SOSTDC1: variants seen among roughly 807,000 people sequenced by gnomAD.
SOSTDC1 encodes sclerostin domain-containing protein 1.
A neutral mutation model predicts 15.1 loss-of-function variants in SOSTDC1; 7 were observed. The ratio of observed to expected loss-of-function variants is 0.46; its 90% CI spans 0.26 to 0.87. The LOEUF is 0.87. Among genes scored for constraint, SOSTDC1 ranks in the 40% least tolerant of loss-of-function variants. SOSTDC1 has a pLI of 0.15. For missense variants in SOSTDC1, 242 were observed against 259.2 expected, an observed-to-expected ratio of 0.93 and a Z score of 0.46; for synonymous variants, 94 against 93.2, an observed-to-expected ratio of 1.01 and a Z score of -0.05.
chr7:16,461,718 T>C lies in SOSTDC1; in HGVS notation c.*830A>G, dbSNP rs528554888. 1 of 152,734 alleles carries C rather than the reference T, an allele frequency of 6.5e-6. No homozygotes were observed. Among genetic ancestry groups the C allele is most frequent in the Non-Finnish European group, 1.5e-5 (1 of 68,028 alleles). The allele number at this position is 152,734 out of a possible 1,614,324, so 9.5% of individuals were successfully genotyped here. A position where few individuals can be genotyped will look rare whatever the true frequency, so the allele number is the denominator to read the frequency against. ...AAGTTCACCATGAACATATATGTAA[T>C]AAGGAGACTAAAATATTCATTTTAC... On this transcript the variant is annotated 3_prime_UTR_variant, in exon 2 of 2. Transcript: ENST00000307068.
chr7:16,464,187 T>C (rs763541790), intron 1 of SOSTDC1: 22 of 703,056 alleles, frequency 3.1e-5, no homozygotes, highest in Non-Finnish European at 5.4e-5. Context: ...GGGAACGTGA[T>C]AGTTGTGGAA....
Position 16,462,459 on chromosome 7 carries a change from A to G in SOSTDC1, c.*89T>C. 2 of 1,376,342 alleles carry G rather than the reference A, an allele frequency of 1.5e-6. No individual in the cohort carries two copies. Among genetic ancestry groups the G allele is most frequent in the Non-Finnish European group, 2.0e-6 (2 of 985,242 alleles). The allele number at this position is 1,376,342 out of a possible 1,614,324, so 85.3% of individuals were successfully genotyped here. ...CAGAAAGCATATACTTTCAAGTGAG[A>G]AAACAGCAGTGGCAGGCTTGAGTCT... On this transcript the variant is annotated 3_prime_UTR_variant, in exon 2 of 2. Transcript: ENST00000307068.
chr7:16,463,207 T>C (rs1781241761), intron 1 of SOSTDC1, among the ~76,000 whole-genome samples: 1 of 152,214 alleles, frequency 6.6e-6, no homozygotes, highest in African/African-American at 2.4e-5. Flanking sequence ...TGATTGTTTT[T>C]ATATATAACA....
At position 16,461,552 on chromosome 7, in the gene SOSTDC1, G is replaced by C. The variant is rs1172122660; in HGVS notation, c.*996C>G. 6.6e-6 allele frequency: 1 copy of C among 152,122 alleles called. No individual in the cohort carries two copies. Among genetic ancestry groups the C allele is most frequent in the Non-Finnish European group, 1.5e-5 (1 of 68,018 alleles). 9.4% of individuals were successfully genotyped at this position (152,122 alleles called of 1,614,324 possible). A position where few individuals can be genotyped will look rare whatever the true frequency, so the allele number is the denominator to read the frequency against. On this transcript the variant is annotated 3_prime_UTR_variant, in exon 2 of 2. Transcript: ENST00000307068. ...TTAGAGGCAACAACAATAACTTTTA[G>C]CAGTGTTTATTTTTGTTAAAAGAAA...
At chr7:16,465,159 T>G (rs961507972) in intron 1 of SOSTDC1, among the ~76,000 whole-genome samples, 1 of 152,240 alleles carries the variant, frequency 6.6e-6, no homozygotes, top group African/African-American at 2.4e-5. Flanking sequence ...AACAATACTT[T>G]TTAAAATGGT....
Position 16,462,563 on chromosome 7 carries a change from C to A in SOSTDC1, c.606G>T (p.Lys202Asn). 6.2e-7 allele frequency: 1 copy of A among 1,614,070 alleles called. No individual in the cohort carries two copies. The highest frequency in any genetic ancestry group is 8.5e-7 in the Non-Finnish European group (1 of 1,179,984). Residue 202 changes from lysine to asparagine, a missense_variant, in exon 2 of 2, where the codon AAG becomes AAT. Physicochemically the swap from Lys to Asn is moderately conservative, Grantham distance 94. Coordinates refer to ENST00000307068, the MANE Select transcript of SOSTDC1 (RefSeq NM_015464.3). ...AGTCTGAGTTCTAACTCATGCTGTG[C>A]TTGCTGGATTTGCTGGCTCTTTTCC... The part of the protein sequence containing the change: ...RERKRASKSS[K>N]HSMS
At position 16,462,659 on chromosome 7, in the gene SOSTDC1, C is replaced by G; in HGVS notation, c.510G>C (p.Arg170=). ...VTACKCKRYT[R]QHNESSHNFE... is the part of the protein sequence containing the mutation. Reference sequence around the variant, plus strand: ...AGTTGTGACTGGACTCGTTGTGCTGCCGGGTGTACCTCTTGCACTTGCAGG... The same window carrying G: ...AGTTGTGACTGGACTCGTTGTGCTGGCGGGTGTACCTCTTGCACTTGCAGG... Residue 170 remains arginine (R), a synonymous_variant, in exon 2 of 2, where the codon CGG becomes CGC. Transcript: ENST00000307068. The G allele has an allele frequency of 1.2e-6, 2 of 1,614,188 alleles. No homozygotes were observed. Among genetic ancestry groups the G allele is most frequent in the Non-Finnish European group, 1.7e-6 (2 of 1,180,028 alleles).
In SOSTDC1 at chr7:16,461,662, TATTG is replaced by T. The variant is rs1449633351; in HGVS notation, c.*882_*885del. The T allele has an allele frequency of 6.6e-6, 1 of 152,586 alleles. No homozygotes were observed. The highest frequency in any genetic ancestry group is 2.4e-5 in the African/African-American group (1 of 41,448). The allele number at this position is 152,586 out of a possible 1,614,324, so 9.5% of individuals were successfully genotyped here. On this transcript the variant is annotated 3_prime_UTR_variant, in exon 2 of 2. Coordinates refer to ENST00000307068, the MANE Select transcript of SOSTDC1 (RefSeq NM_015464.3). ...CTTATTTCAACTTTACAAAGCATCT[TATTG>T]ATTTAAAAAGATCCATACTATTGAT...
rs754609553 is a variant in SOSTDC1 at position 16,462,505 on chromosome 7, A to T, written c.*43T>A. ...AGTCTTCCAAGCAATCAAATCTGTA[A>T]AGCAGATGGTTACTAGTAAGTCTAG... On this transcript the variant is annotated 3_prime_UTR_variant, in exon 2 of 2. Coordinates refer to ENST00000307068, the MANE Select transcript of SOSTDC1 (RefSeq NM_015464.3). The T allele has an allele frequency of 8.3e-5, 132 of 1,585,988 alleles. No homozygotes were observed. Among genetic ancestry groups the T allele is most frequent in the Admixed American group, 2.2e-4 (13 of 59,460 alleles).
Position 16,462,515 on chromosome 7 carries a change from T to G in SOSTDC1, c.*33A>C, listed in dbSNP as rs1415957685. ...GCAATCAAATCTGTAAAGCAGATGG[T>G]TACTAGTAAGTCTAGTTATGGGAGT... is the stretch of plus-strand genomic sequence containing the variant. On this transcript the variant is annotated 3_prime_UTR_variant, in exon 2 of 2. Coordinates refer to ENST00000307068, the MANE Select transcript of SOSTDC1 (RefSeq NM_015464.3). 6.2e-7 allele frequency: 1 copy of G among 1,601,278 alleles called. No individual in the cohort carries two copies. The highest frequency in any genetic ancestry group is 1.1e-5 in the South Asian group (1 of 89,918).
Position 16,462,877 on chromosome 7 carries a change from G to C in SOSTDC1, c.292C>G (p.Leu98Val). The change falls in exon 2 of 2, where the codon CTG becomes GTG. Residue 98 changes from leucine to valine, a missense_variant. Transcript: ENST00000307068. ...GGCAAGCACTCGCCAGCACACACCA[G>C]CTCCTTCAGAGGGCTGATGCTGGTG... ...QCTSISPLKELVCAGECLPLP... is the reference protein window; with the variant it reads ...QCTSISPLKEVVCAGECLPLP... The C allele has an allele frequency of 6.2e-7, 1 of 1,614,080 alleles. No homozygotes were observed. The highest frequency in any genetic ancestry group is 8.5e-7 in the Non-Finnish European group (1 of 1,179,982).
In SOSTDC1 at chr7:16,464,238, T is replaced by C. The variant is rs1562710741; in HGVS notation, c.205+1226A>G. 2 of 1,057,476 alleles carry C rather than the reference T, an allele frequency of 1.9e-6. 1 individual carries two copies. Among genetic ancestry groups the C allele is most frequent in the South Asian group, 2.7e-5 (2 of 74,244 alleles). 65.5% of individuals were successfully genotyped at this position (1,057,476 alleles called of 1,614,324 possible). A position where few individuals can be genotyped will look rare whatever the true frequency, so the allele number is the denominator to read the frequency against. On this transcript the variant is annotated intron_variant, in intron 1 of 1. Transcript: ENST00000307068. ...GACATGCATGCATAGAAATCTAGAA[T>C]TGTGGGATTAAAATGTAAAGCGTAA...
In SOSTDC1 at chr7:16,462,963, G is replaced by A. The variant is rs771816268; in HGVS notation, c.206C>T (p.Thr69Ile). The change falls in exon 2 of 2, where the codon ACT (threonine) becomes ATT (isoleucine). Residue 69 changes from threonine (T) to isoleucine (I), a missense_variant and splice_region_variant. Coordinates refer to ENST00000307068, the MANE Select transcript of SOSTDC1 (RefSeq NM_015464.3). ...TTCCCGGCAACCCACTTGAACCCGA[G>A]CTGCAGGAAACAAAAAAGAATGTGC... ...HFSNTGLDRN[T>I]RVQVGCRELR... 1.3e-6 allele frequency: 2 copies of A among 1,538,286 alleles called. No homozygotes were observed. The highest frequency in any genetic ancestry group is 4.1e-5 in the Admixed American group (2 of 49,116).
rs1258772150 is a variant in SOSTDC1 at position 16,462,920 on chromosome 7, G to A, written c.249C>T (p.Tyr83=). 7 of 1,598,508 alleles carry A rather than the reference G, an allele frequency of 4.4e-6. No individual in the cohort carries two copies. The South Asian group carries it at 5.6e-5, about 13-fold the overall frequency. Residue 83 remains tyrosine (Y), a synonymous_variant, in exon 2 of 2, where the codon TAC becomes TAT. Transcript: ENST00000307068. The part of the protein sequence containing the change: ...VGCRELRSTK[Y]ISDGQCTSIS... ...TGCTGGTGCACTGGCCATCAGAGATGTATTTGGTGGAACGCAGTTCCCGGC... is the reference window on the plus strand; with the variant it reads ...TGCTGGTGCACTGGCCATCAGAGATATATTTGGTGGAACGCAGTTCCCGGC...
At chr7:16,464,863 G>A (rs967708735) in intron 1 of SOSTDC1, among the ~76,000 whole-genome samples, 1 of 152,040 alleles carries the variant, frequency 6.6e-6, no homozygotes, top group African/African-American at 2.4e-5. Context: ...TTTTGAATGG[G>A]ACAACAAGGA....
intron 1 of SOSTDC1, among the ~76,000 whole-genome samples, chr7:16,464,119 A>G (rs952956337): frequency 4.6e-5 from 7 of 152,264 alleles, no homozygotes; most frequent in African/African-American, 1.7e-4. Flanking sequence ...GAACTGAATC[A>G]GGAGTTTCAC....
chr7:16,464,387 C>T, intron 1 of SOSTDC1: 1 of 1,549,852 alleles, frequency 6.5e-7, no homozygotes, highest in Non-Finnish European at 8.7e-7. Flanking sequence ...GCTTTCTGTT[C>T]CTGTGTATAT....
chr7:16,462,639 T>C lies in SOSTDC1; in HGVS notation c.530A>G (p.His177Arg), dbSNP rs191562421. ...GGCAGGTGACATGCTCTCAAAGTTG[T>C]GACTGGACTCGTTGTGCTGCCGGGT... The part of the protein sequence containing the change: ...RYTRQHNESS[H>R]NFESMSPAKP... The change falls in exon 2 of 2, where the codon CAC becomes CGC. Residue 177 changes from histidine to arginine, a missense_variant. Physicochemically the swap from His to Arg is conservative, Grantham distance 29. Transcript: ENST00000307068. 394 of 1,614,240 alleles carry C rather than the reference T, an allele frequency of 2.4e-4. 2 individuals are homozygous for C. The Admixed American group carries it at 6.5e-3, about 27-fold the overall frequency.
intron 1 of SOSTDC1, 106 bp from the exon 2 acceptor site, chr7:16,463,069 C>A: frequency 8.6e-7 from 1 of 1,160,274 alleles, no homozygotes; most frequent in Non-Finnish European, 1.2e-6. Flanking sequence ...TAGCAAATTG[C>A]CAAATAGAAA....
Sources: gnomAD v4.1 joint callset for allele counts (sites outside exome capture counted in the v4.1 genomes callset) on GRCh38, gnomAD v4.1.1 for gene constraint, MANE v1.5 for transcripts, NCBI Gene and HGNC (gene_info 2026-07-23, HGNC 2026-07-21) for gene names.